Variants in KCNIP4 observed in about 807,000 individuals in gnomAD.
The protein encoded by KCNIP4 is potassium voltage-gated channel interacting protein 4.
KCNIP4 carries 12 observed loss-of-function variants against 34.0 expected under a neutral mutation model. That is an observed-to-expected ratio of 0.35 (90% CI 0.23 to 0.57). KCNIP4 has a LOEUF of 0.57. Among genes scored for constraint, KCNIP4 ranks in the 20% least tolerant of loss-of-function variants. The probability of loss-of-function intolerance (pLI) is 0.83; values close to 1 mark genes in which losing one functional copy is unlikely to be tolerated. For synonymous variants in KCNIP4, 124 were observed against 102.2 expected, an observed-to-expected ratio of 1.21 and a Z score of -1.29; for missense variants, 238 against 311.7, an observed-to-expected ratio of 0.76 and a Z score of 1.78.
intron 1 of KCNIP4, among the ~76,000 whole-genome samples, chr4:21,600,072 T>A (rs1232411411): frequency 6.6e-6 from 1 of 152,054 alleles, no homozygotes; most frequent in East Asian, 1.9e-4. Flanking sequence ...TCAAACTGCT[T>A]CTTTCTTCAT....
chr4:21,667,472 C>A (rs888229939), intron 1 of KCNIP4, among the ~76,000 whole-genome samples: 3 of 152,108 alleles, frequency 2.0e-5, no homozygotes, highest in African/African-American at 7.2e-5. Flanking sequence ...GGAGACAGAG[C>A]CAGGAATAGA....
At chr4:21,780,625 C>A (rs768526643) in intron 1 of KCNIP4, among the ~76,000 whole-genome samples, 2 of 152,170 alleles carry the variant, frequency 1.3e-5, no homozygotes, top group Non-Finnish European at 2.9e-5. Flanking sequence ...TCACATGAGT[C>A]TCAGTTTACA....
At chr4:21,142,666 T>C (rs1752060777) in intron 1 of KCNIP4, among the ~76,000 whole-genome samples, 1 of 152,168 alleles carries the variant, frequency 6.6e-6, no homozygotes, top group Non-Finnish European at 1.5e-5. Flanking sequence ...CTTGCCTTCC[T>C]GCCAGCATCT....
intron 1 of KCNIP4, among the ~76,000 whole-genome samples, chr4:21,460,919 G>T (rs545183771): frequency 4.6e-5 from 7 of 152,090 alleles, no homozygotes; most frequent in Non-Finnish European, 8.8e-5. Flanking sequence ...ACCAGTGCAG[G>T]TTCACAAATT....
chr4:21,125,173 TTTATTTTATTTTGTC>T (rs1198023622), intron 1 of KCNIP4, among the ~76,000 whole-genome samples: 5 of 122,614 alleles, frequency 4.1e-5, no homozygotes, highest in Admixed American at 8.4e-5. Flanking sequence ...GAGGGCTTTT[TTTATTTTATTTTGTC>T]TTATTTTATT....
intron 1 of KCNIP4, chr4:21,613,473 A>G (rs190668052): frequency 6.6e-6 from 1 of 152,260 alleles, no homozygotes; most frequent in East Asian, 1.9e-4. Context: ...CAGACTCTCT[A>G]AAGCCTTTAC....
At chr4:21,723,867 T>C (rs1415459907) in intron 1 of KCNIP4, among the ~76,000 whole-genome samples, 1 of 152,088 alleles carries the variant, frequency 6.6e-6, no homozygotes, top group East Asian at 1.9e-4. Context: ...TAGGGCCTTC[T>C]CTCTGTAGGG....
chr4:21,731,743 TC>T (rs1715617526), intron 1 of KCNIP4, among the ~76,000 whole-genome samples: 1 of 152,132 alleles, frequency 6.6e-6, no homozygotes, highest in Admixed American at 6.6e-5. Flanking sequence ...AGGACATAAC[TC>T]ATGGTTAATG....
chr4:20,743,842 A>C (rs375022473), intron 5 of KCNIP4, among the ~76,000 whole-genome samples: 38 of 152,244 alleles, frequency 2.5e-4, no homozygotes, highest in East Asian at 2.3e-3. Context: ...CAACCTACAA[A>C]ATGGGAGAAA....
At chr4:20,791,167 TACTG>T (rs1415282149) in intron 3 of KCNIP4, among the ~76,000 whole-genome samples, 2 of 152,126 alleles carry the variant, frequency 1.3e-5, no homozygotes, top group Non-Finnish European at 2.9e-5. Context: ...TCTTTCCAAA[TACTG>T]AAAGAATAAA....
intron 1 of KCNIP4, among the ~76,000 whole-genome samples, chr4:21,095,924 A>G (rs1234398442): frequency 6.6e-6 from 1 of 152,206 alleles, no homozygotes; most frequent in Non-Finnish European, 1.5e-5. Flanking sequence ...AATCCCCAGG[A>G]AACCAGCAGA....
intron 1 of KCNIP4, among the ~76,000 whole-genome samples, chr4:21,730,845 G>A (rs988694949): frequency 2.0e-5 from 3 of 152,120 alleles, no homozygotes; most frequent in Non-Finnish European, 4.4e-5. Context: ...GGGCGCAGTG[G>A]CTCACGCCTG....
At position 21,604,957 on chromosome 4, in the gene KCNIP4, T is replaced by G. The variant is rs1334090696; in HGVS notation, c.61+343614A>C. Among the ~76,000 whole-genome samples the G allele has an allele frequency of 2.0e-5, 3 of 152,182 alleles. No homozygotes were observed. In the East Asian group the frequency reaches 5.8e-4, roughly 29 times the overall value. On this transcript the variant is annotated intron_variant, in intron 1 of 8. Transcript: ENST00000382152. Reference sequence around the variant, plus strand: ...TGTATTAGGACATTTTCAGTGTAAATGGACAGTTAGTCTAGTGAAAGTGTT... The same window carrying G: ...TGTATTAGGACATTTTCAGTGTAAAGGGACAGTTAGTCTAGTGAAAGTGTT...
At chr4:21,763,132 C>T (rs1718172983) in intron 1 of KCNIP4, 2 of 1,280,374 alleles carry the variant, frequency 1.6e-6, no homozygotes, top group South Asian at 2.5e-5. Flanking sequence ...GACAATAATT[C>T]CTTCACTGTG....
At chr4:21,387,274 A>G (rs776498112) in intron 1 of KCNIP4, among the ~76,000 whole-genome samples, 1 of 152,174 alleles carries the variant, frequency 6.6e-6, no homozygotes, top group Non-Finnish European at 1.5e-5. Context: ...TAACCAAGAA[A>G]AAAATAAGGA....
chr4:21,881,021 T>C (rs939347396), intron 1 of KCNIP4, among the ~76,000 whole-genome samples: 1 of 152,322 alleles, frequency 6.6e-6, no homozygotes, highest in Admixed American at 6.5e-5. Flanking sequence ...ATTTGTAATG[T>C]TAAATTGTTA....
intron 1 of KCNIP4, chr4:21,729,763 T>C (rs1715455910): frequency 6.6e-6 from 1 of 152,200 alleles, no homozygotes; most frequent in South Asian, 2.1e-4. Flanking sequence ...AAATGAAATA[T>C]ATATTTCACA....
chr4:21,694,162 T>A (rs1711998978), intron 1 of KCNIP4, among the ~76,000 whole-genome samples: 1 of 152,212 alleles, frequency 6.6e-6, no homozygotes, highest in Non-Finnish European at 1.5e-5. Context: ...GCAGCATTCA[T>A]ATGATAGGGT....
intron 1 of KCNIP4, among the ~76,000 whole-genome samples, chr4:20,963,861 A>T (rs1285600136): frequency 6.6e-6 from 1 of 152,110 alleles, no homozygotes; most frequent in Non-Finnish European, 1.5e-5. Flanking sequence ...TCTCTGTTTA[A>T]CAGCTCTTTG....
Sources: gnomAD v4.1 joint callset for allele counts (sites outside exome capture counted in the v4.1 genomes callset) on GRCh38, gnomAD v4.1.1 for gene constraint, MANE v1.5 for transcripts, NCBI Gene and HGNC (gene_info 2026-07-23, HGNC 2026-07-21) for gene names.